XPO4: variants seen among roughly 807,000 people sequenced by gnomAD.
XPO4 encodes the protein exportin-4.
In XPO4, 39 loss-of-function variants were observed where a neutral mutation model predicts 143.0. The ratio of observed to expected loss-of-function variants is 0.27; its 90% CI spans 0.21 to 0.36. The LOEUF is 0.36. XPO4 is among the 10% of genes least tolerant of loss of function. The pLI is 1.00. For synonymous variants in XPO4, 439 were observed against 474.0 expected (o/e 0.93, Z 0.96); for missense variants, 907 against 1,348.0 (o/e 0.67, Z 5.12).
chr13:20,851,607 G>C, intron 4 of XPO4: 1 of 484,682 alleles, frequency 2.1e-6, no homozygotes, highest in Non-Finnish European at 2.7e-6. Flanking sequence ...TACTCAGGAG[G>C]CTAAGGTAGA....
chr13:20,809,012 CTT>C lies in XPO4; in HGVS notation c.1493+69_1493+70del, dbSNP rs2059541824. The C allele has an allele frequency of 7.1e-6, 11 of 1,549,320 alleles. No homozygotes were observed. The Admixed American group carries it at 2.1e-4, about 29-fold the overall frequency. ...TGGGGGTGTTTAAAGTCTTTAAACA[CTT>C]TAAGTGCTCTCCAGGGAATTGTGAA... On this transcript the variant is annotated intron_variant, in intron 11 of 22. Transcript: ENST00000255305.
At chr13:20,873,299 A>G (rs1016438775) in intron 1 of XPO4, among the ~76,000 whole-genome samples, 2 of 152,146 alleles carry the variant, frequency 1.3e-5, no homozygotes, top group Admixed American at 6.6e-5. Flanking sequence ...TTAGAACTCT[A>G]AAGATTACTT....
intron 2 of XPO4, among the ~76,000 whole-genome samples, chr13:20,863,569 A>G (rs559596383): frequency 6.6e-4 from 100 of 152,300 alleles, no homozygotes; most frequent in African/African-American, 2.3e-3. Flanking sequence ...AAATTAACAC[A>G]CTTTAAAAAT....
chr13:20,874,849 C>A (rs143154954), intron 1 of XPO4, among the ~76,000 whole-genome samples: 8 of 152,040 alleles, frequency 5.3e-5, no homozygotes, highest in African/African-American at 7.2e-5. Context: ...AAAAATTAGC[C>A]GGGCATGATG....
At chr13:20,900,613 T>C (rs1015017547) in intron 1 of XPO4, among the ~76,000 whole-genome samples, 1 of 141,054 alleles carries the variant, frequency 7.1e-6, no homozygotes, top group African/African-American at 3.0e-5. Context: ...CAAAAAGTCA[T>C]TTCCTTTTTT....
At chr13:20,901,241 A>T (rs930740092) in intron 1 of XPO4, among the ~76,000 whole-genome samples, 1 of 152,210 alleles carries the variant, frequency 6.6e-6, no homozygotes, top group African/African-American at 2.4e-5. Flanking sequence ...TACTCCTTAT[A>T]GGGGATAAAA....
intron 1 of XPO4, among the ~76,000 whole-genome samples, chr13:20,895,580 C>T (rs76110998): frequency 2.0e-5 from 3 of 151,586 alleles, no homozygotes; most frequent in East Asian, 1.9e-4. Flanking sequence ...TGCAGTGAGC[C>T]GAGATCGCAC....
intron 6 of XPO4, among the ~76,000 whole-genome samples, chr13:20,830,035 A>G (rs1365991843): frequency 1.3e-5 from 2 of 152,306 alleles, no homozygotes; most frequent in African/African-American, 2.4e-5. Context: ...TATAAAATGG[A>G]ATTCATTGCA....
intron 6 of XPO4, among the ~76,000 whole-genome samples, chr13:20,841,723 C>T (rs1179793681): frequency 1.3e-5 from 2 of 151,920 alleles, no homozygotes; most frequent in Non-Finnish European, 2.9e-5. Context: ...TATACCCCAC[C>T]ACACTCCTTT....
intron 1 of XPO4, among the ~76,000 whole-genome samples, chr13:20,891,724 G>A (rs1283872239): frequency 2.0e-5 from 3 of 151,896 alleles, no homozygotes; most frequent in East Asian, 1.9e-4. Flanking sequence ...ATAGCCAGGC[G>A]TGGCAGCGTA....
chr13:20,818,852 T>C (rs1211362006), intron 9 of XPO4, among the ~76,000 whole-genome samples: 1 of 151,944 alleles, frequency 6.6e-6, no homozygotes, highest in Non-Finnish European at 1.5e-5. Context: ...TGGAGTTTCG[T>C]TCTTGTCACC....
At chr13:20,852,203 G>C (rs948099613) in intron 4 of XPO4, 2 of 985,436 alleles carry the variant, frequency 2.0e-6, no homozygotes, top group Non-Finnish European at 2.4e-6. Context: ...AGAGTTACTA[G>C]TAATGTTCCT....
chr13:20,857,815 G>A (rs1415382196), intron 3 of XPO4: 2 of 981,760 alleles, frequency 2.0e-6, no homozygotes, highest in Non-Finnish European at 2.4e-6. Context: ...GAAGTAGGGT[G>A]CAAATCCCTT....
At chr13:20,825,400 A>T (rs2059771804) in intron 7 of XPO4, among the ~76,000 whole-genome samples, 2 of 152,256 alleles carry the variant, frequency 1.3e-5, no homozygotes, top group Admixed American at 1.3e-4. Context: ...ACCAAAGTTA[A>T]ATAAAAAGAT....
At position 20,821,696 on chromosome 13, in the gene XPO4, T is replaced by C; in HGVS notation, c.1173+8A>G. On this transcript the variant is annotated splice_region_variant and intron_variant, in intron 9 of 22. Transcript: ENST00000255305. The stretch of plus-strand genomic sequence containing the variant: ...ACTGACACAATTTACTTTAGAATAG[T>C]CACTCACCACTTCTTCCAATGCAGC... 6.2e-7 allele frequency: 1 copy of C among 1,608,928 alleles called. No individual in the cohort carries two copies. The highest frequency in any genetic ancestry group is 8.5e-7 in the Non-Finnish European group (1 of 1,177,382).
chr13:20,892,889 T>TA (rs71200313), intron 1 of XPO4, among the ~76,000 whole-genome samples: 50,426 of 139,032 alleles, frequency 0.36, 9,995 homozygotes, highest in Non-Finnish European at 0.48. Flanking sequence ...AAGTAAAAAA[T>TA]AAAAAAAAAA....
intron 14 of XPO4, 142 bp downstream of exon 14, chr13:20,800,689 A>G: frequency 9.7e-7 from 1 of 1,032,174 alleles, no homozygotes; most frequent in Middle Eastern, 2.5e-4. Context: ...CATTCCAGTC[A>G]CATAATTCTC....
chr13:20,883,665 T>C (rs2060434520), intron 1 of XPO4, among the ~76,000 whole-genome samples: 1 of 152,212 alleles, frequency 6.6e-6, no homozygotes, highest in Admixed American at 6.5e-5. Flanking sequence ...ACCACCAAAG[T>C]ACTCTTCCCT....
intron 9 of XPO4, among the ~76,000 whole-genome samples, chr13:20,815,303 C>T (rs1274506650): frequency 2.6e-5 from 4 of 152,142 alleles, no homozygotes; most frequent in African/African-American, 9.7e-5. Flanking sequence ...CCTATGTACA[C>T]TATGGACTCT....
Sources: allele counts gnomAD v4.1 joint callset (sites outside exome capture counted in the v4.1 genomes callset), GRCh38; gene constraint gnomAD v4.1.1; transcripts MANE v1.5; gene names NCBI Gene and HGNC (gene_info 2026-07-23, HGNC 2026-07-21).